The following RALGPS1 variants were observed in gnomAD, a reference collection of about 807,000 sequenced individuals.
The protein encoded by RALGPS1 is ras-specific guanine nucleotide-releasing factor RalGPS1.
Under a neutral mutation model 78.8 loss-of-function variants are expected in RALGPS1, and 19 were observed. That is an observed-to-expected ratio of 0.24 (90% CI 0.17 to 0.35). The LOEUF (loss-of-function observed/expected upper bound fraction) is 0.35, where lower values mean the gene tolerates loss of function less well. Among genes scored for constraint, RALGPS1 ranks in the 10% least tolerant of loss-of-function variants. The pLI, the probability that RALGPS1 is intolerant of heterozygous loss-of-function variation, is 1.00. For synonymous variants in RALGPS1, 228 were observed against 256.3 expected, an observed-to-expected ratio of 0.89 and a Z score of 1.06; for missense variants, 454 against 688.3, an observed-to-expected ratio of 0.66 and a Z score of 3.81.
intron 7 of RALGPS1, among the ~76,000 whole-genome samples, chr9:127,059,626 G>A (rs2049030122): frequency 6.6e-6 from 1 of 151,990 alleles, no homozygotes; most frequent in African/African-American, 2.4e-5. Flanking sequence ...TCATCTGCTT[G>A]GGGAGCTTCA....
intron 8 of RALGPS1, among the ~76,000 whole-genome samples, chr9:127,143,913 G>A (rs1256897950): frequency 6.6e-6 from 1 of 152,246 alleles, no homozygotes; most frequent in African/African-American, 2.4e-5. Flanking sequence ...AAGCCCCTTT[G>A]CTCTGCCCTT....
At chr9:127,065,051 C>T (rs1470144415) in intron 7 of RALGPS1, among the ~76,000 whole-genome samples, 8 of 151,800 alleles carry the variant, frequency 5.3e-5, no homozygotes, top group African/African-American at 1.2e-4. Flanking sequence ...GCAATCCTCC[C>T]GCCACAGCCT....
intron 8 of RALGPS1, among the ~76,000 whole-genome samples, chr9:127,142,167 C>T (rs1211027244): frequency 6.6e-6 from 1 of 152,220 alleles, no homozygotes; most frequent in Non-Finnish European, 1.5e-5. Context: ...GATGCCTCGT[C>T]ACATCATAGA....
chr9:126,984,460 T>G (rs765399926), intron 4 of RALGPS1, among the ~76,000 whole-genome samples: 1 of 152,212 alleles, frequency 6.6e-6, no homozygotes, highest in Non-Finnish European at 1.5e-5. Flanking sequence ...TACTTGTACA[T>G]ACTTAATTCT....
intron 1 of RALGPS1, among the ~76,000 whole-genome samples, chr9:126,919,808 C>T (rs1274529430): frequency 6.6e-6 from 1 of 152,140 alleles, no homozygotes; most frequent in African/African-American, 2.4e-5. Context: ...GAGGTGCTCA[C>T]ATGCTGTGTG....
Position 127,011,761 on chromosome 9 carries a change from G to A in RALGPS1, c.217-22670G>A, listed in dbSNP as rs56659927. Among the ~76,000 whole-genome samples the A allele has an allele frequency of 5.6e-3, 857 of 152,292 alleles. 28 individuals are homozygous for A. In the East Asian group the frequency reaches 0.081, roughly 14 times the overall value. Reference sequence around the variant, plus strand: ...GCCAAGATTTAGGCTGAAAATCCGAGCATAAAAATTGGTTTGTATGTAACA... The same window carrying A: ...GCCAAGATTTAGGCTGAAAATCCGAACATAAAAATTGGTTTGTATGTAACA... On this transcript the variant is annotated intron_variant, in intron 4 of 18. Coordinates refer to ENST00000259351, the MANE Select transcript of RALGPS1 (RefSeq NM_014636.3).
chr9:127,072,432 C>A (rs2050290482), intron 8 of RALGPS1, among the ~76,000 whole-genome samples: 1 of 152,160 alleles, frequency 6.6e-6, no homozygotes, highest in Non-Finnish European at 1.5e-5. Context: ...CTAGGCTGGT[C>A]TCAAATCCCT....
intron 4 of RALGPS1, among the ~76,000 whole-genome samples, chr9:127,023,141 G>C (rs7024941): frequency 0.38 from 57,256 of 151,680 alleles, 12,609 homozygotes; most frequent in Non-Finnish European, 0.48. Context: ...CACCATCATC[G>C]TCCAAGAAAG....
rs1408571563 is a variant in RALGPS1, at chr9:127,216,951, G to A, written c.1645-1789G>A. On this transcript the variant is annotated intron_variant, in intron 18 of 18. Transcript: ENST00000259351. ...TCCAACAGGAACTGACAGCCACGAG[G>A]TGGACCACCTGGAGGGCGGTGCGGG... 5 of 1,547,736 alleles carry A rather than the reference G, an allele frequency of 3.2e-6. No individual in the cohort carries two copies. The African/African-American group carries it at 4.1e-5, about 13-fold the overall frequency.
intron 8 of RALGPS1, among the ~76,000 whole-genome samples, chr9:127,093,277 G>A (rs936479992): frequency 6.6e-6 from 1 of 152,180 alleles, no homozygotes; most frequent in Non-Finnish European, 1.5e-5. Context: ...TAGGACTTGA[G>A]CATTGCCACA....
intron 4 of RALGPS1, among the ~76,000 whole-genome samples, chr9:127,010,164 C>T (rs965709684): frequency 2.0e-5 from 3 of 152,104 alleles, no homozygotes; most frequent in African/African-American, 4.8e-5. Context: ...CCTCACGGGG[C>T]GGTGTCATGG....
chr9:127,212,170 A>G lies in RALGPS1; in HGVS notation c.1287A>G (p.Ala429=). The G allele has an allele frequency of 6.2e-7, 1 of 1,613,872 alleles. No individual in the cohort carries two copies. Among genetic ancestry groups the G allele is most frequent in the Non-Finnish European group, 8.5e-7 (1 of 1,179,906 alleles). ...GCATCTGTTCTCTGGGGAACTCCGC[A>G]GCTGTGCCCACCATGGAGGGGCCTC... ...GPCICSLGNS[A]AVPTMEGPLR... The change falls in exon 15 of 19, where the codon GCA becomes GCG. Residue 429 remains alanine, a synonymous_variant. Transcript: ENST00000259351. The surrounding 1 kb of genome is among the most constrained non-coding windows in gnomAD (Gnocchi z 6.0).
intron 14 of RALGPS1, among the ~76,000 whole-genome samples, chr9:127,206,840 G>A (rs1275899061): frequency 1.3e-5 from 2 of 152,068 alleles, no homozygotes; most frequent in Non-Finnish European, 2.9e-5. Flanking sequence ...TTTCAGACCT[G>A]CTTGACTAGT....
intron 1 of RALGPS1, among the ~76,000 whole-genome samples, chr9:126,948,650 T>A (rs4837121): frequency 0.17 from 26,465 of 152,082 alleles, 3,043 homozygotes; most frequent in East Asian, 0.44. Flanking sequence ...CTCCTCAGCT[T>A]CAGCATACAG....
chr9:127,074,579 C>T (rs781469491), intron 8 of RALGPS1, among the ~76,000 whole-genome samples: 1 of 152,186 alleles, frequency 6.6e-6, no homozygotes, highest in Non-Finnish European at 1.5e-5. Context: ...CAGAGGTGTT[C>T]CAGGGTCATT....
At chr9:127,034,588 C>A in intron 5 of RALGPS1, 74 bp downstream of exon 5, 6 of 1,339,528 alleles carry the variant, frequency 4.5e-6, no homozygotes, top group South Asian at 1.2e-5. Flanking sequence ...CGAGCCCCCA[C>A]CCAAAGCTGT....
chr9:126,943,621 T>C (rs891507856), intron 1 of RALGPS1, among the ~76,000 whole-genome samples: 1 of 152,190 alleles, frequency 6.6e-6, no homozygotes, highest in African/African-American at 2.4e-5. Context: ...CTCCGTGGAA[T>C]GTGGGCTGAC....
At chr9:127,200,972 G>A (rs2061601181) in intron 14 of RALGPS1, among the ~76,000 whole-genome samples, 1 of 152,230 alleles carries the variant, frequency 6.6e-6, no homozygotes, top group African/African-American at 2.4e-5. Context: ...TTCAGTAGCT[G>A]TTAAGCAGCT....
rs145639048 is a variant in RALGPS1 at position 127,178,451 on chromosome 9, G to A, written c.910+3669G>A. 9,110 of 1,023,036 alleles carry A rather than the reference G, an allele frequency of 8.9e-3. 49 individuals are homozygous for A. Among genetic ancestry groups the A allele is most frequent in the Non-Finnish European group, 0.01 (8,583 of 851,550 alleles). The allele number at this position is 1,023,036 out of a possible 1,614,324, so 63.4% of individuals were successfully genotyped here. A position where few individuals can be genotyped will look rare whatever the true frequency, so the allele number is the denominator to read the frequency against. ...ACAGGGTAGTGTTGTTATTAGCACA[G>A]TGCGCAACATAGAACACACGTGTTA... is the stretch of plus-strand genomic sequence containing the variant. On this transcript the variant is annotated intron_variant, in intron 11 of 18. Coordinates refer to ENST00000259351, the MANE Select transcript of RALGPS1 (RefSeq NM_014636.3).
Sources: gnomAD v4.1 joint callset for allele counts (sites outside exome capture counted in the v4.1 genomes callset) on GRCh38, gnomAD v4.1.1 for gene constraint, Gnocchi (gnomAD v3.1) non-coding constraint, MANE v1.5 for transcripts, NCBI Gene and HGNC (gene_info 2026-07-23, HGNC 2026-07-21) for gene names.